The following FAT3 variants were observed in gnomAD, a reference collection of about 807,000 sequenced individuals.
FAT3 encodes the protein FAT atypical cadherin 3, also known as protocadherin Fat 3.
In FAT3, 95 loss-of-function variants were observed where a neutral mutation model predicts 310.2. The ratio of observed to expected loss-of-function variants is 0.31; its 90% CI spans 0.26 to 0.36. The LOEUF is 0.36. Ranked by LOEUF, FAT3 falls within the 10% of genes least tolerant of loss-of-function variation. FAT3 has a pLI of 1.00. For missense variants in FAT3, 5,408 were observed against 5,715.6 expected (o/e 0.95, Z 1.74); for synonymous variants, 2,314 against 2,192.9 (o/e 1.06, Z -1.54).
intron 4 of FAT3, among the ~76,000 whole-genome samples, chr11:92,710,129 A>G (rs905908932): frequency 6.6e-6 from 1 of 152,246 alleles, no homozygotes; most frequent in Non-Finnish European, 1.5e-5. Flanking sequence ...ATTTTAAAAA[A>G]TGCATAAGTA....
chr11:92,880,705 G>T (rs751720778), intron 22 of FAT3, 26 bp from the exon 23 acceptor site: 1 of 1,605,490 alleles, frequency 6.2e-7, no homozygotes, highest in Non-Finnish European at 8.5e-7. Context: ...GGCATCCATG[G>T]CTCATGAGGT....
chr11:92,580,486 A>G (rs192915322), intron 3 of FAT3, among the ~76,000 whole-genome samples: 4 of 152,154 alleles, frequency 2.6e-5, no homozygotes, highest in East Asian at 3.9e-4. Context: ...AGCCACACCC[A>G]TGTCAGCTTG....
intron 1 of FAT3, among the ~76,000 whole-genome samples, chr11:92,270,884 T>C (rs962589135): frequency 4.6e-5 from 7 of 151,982 alleles, no homozygotes; most frequent in Non-Finnish European, 8.8e-5. Context: ...ATCCATCCAA[T>C]TTCTTAGGAC....
At chr11:92,688,756 T>C (rs1473184880) in intron 3 of FAT3, among the ~76,000 whole-genome samples, 1 of 152,194 alleles carries the variant, frequency 6.6e-6, no homozygotes, top group Non-Finnish European at 1.5e-5. Context: ...GCACTCATGA[T>C]GCTAATGCAT....
Position 92,392,453 on chromosome 11 carries a change from C to T in FAT3, c.3292+37049C>T, listed in dbSNP as rs148113942. ...TCTAAAGCTGCTCCCTCTGCCTCAG[C>T]GCTGCTTTCTTCCTGGTCACCTGGC... is the stretch of plus-strand genomic sequence containing the variant. On this transcript the variant is annotated intron_variant, in intron 2 of 27. Transcript: ENST00000525166. Among the ~76,000 whole-genome samples, 97 of 152,208 alleles carry T rather than the reference C, an allele frequency of 6.4e-4. 2 individuals carry two copies. The East Asian group carries it at 0.013, about 20-fold the overall frequency.
chr11:92,825,806 G>A (rs1244082555), intron 13 of FAT3, among the ~76,000 whole-genome samples: 1 of 152,076 alleles, frequency 6.6e-6, no homozygotes, highest in Admixed American at 6.5e-5. Flanking sequence ...TATCAACTCT[G>A]CTGCAGTTTG....
chr11:92,867,865 T>C (rs1246773648), intron 22 of FAT3, among the ~76,000 whole-genome samples: 1 of 152,088 alleles, frequency 6.6e-6, no homozygotes, highest in Non-Finnish European at 1.5e-5. Flanking sequence ...TTTACTCTAA[T>C]ATTTTTTTCC....
chr11:92,717,052 T>A (rs990330073), intron 4 of FAT3, among the ~76,000 whole-genome samples: 1 of 152,198 alleles, frequency 6.6e-6, no homozygotes, highest in Non-Finnish European at 1.5e-5. Context: ...AAAATGAAGA[T>A]AATAACAACC....
intron 3 of FAT3, among the ~76,000 whole-genome samples, chr11:92,527,890 A>G (rs1479003669): frequency 6.6e-6 from 1 of 152,228 alleles, no homozygotes; most frequent in Non-Finnish European, 1.5e-5. Context: ...TATATTTAGG[A>G]AAGATTTATG....
At chr11:92,357,490 T>A (rs1948764712) in intron 2 of FAT3, among the ~76,000 whole-genome samples, 1 of 152,322 alleles carries the variant, frequency 6.6e-6, no homozygotes, top group Non-Finnish European at 1.5e-5. Context: ...AACCCTGGAC[T>A]TATTGACTAA....
intron 3 of FAT3, among the ~76,000 whole-genome samples, chr11:92,579,936 A>G (rs1279316495): frequency 6.6e-6 from 1 of 152,106 alleles, no homozygotes; most frequent in Admixed American, 6.6e-5. Context: ...AATGATTAAT[A>G]TGCTTTAAAC....
chr11:92,808,691 C>T (rs1456605772), intron 12 of FAT3, among the ~76,000 whole-genome samples: 2 of 152,008 alleles, frequency 1.3e-5, no homozygotes, highest in African/African-American at 4.8e-5. Context: ...TTTGGGAGGC[C>T]GAGGTGGGTG....
chr11:92,712,168 C>T (rs1210109763), intron 4 of FAT3, among the ~76,000 whole-genome samples: 2 of 152,124 alleles, frequency 1.3e-5, no homozygotes, highest in African/African-American at 2.4e-5. Flanking sequence ...TGAGAGGGCA[C>T]ATATGCCTTC....
Position 92,893,971 on chromosome 11 carries a change from TA to T in FAT3, c.*2860del, listed in dbSNP as rs1315703336. 1 of 152,174 alleles carries T rather than the reference TA, an allele frequency of 6.6e-6. No individual in the cohort carries two copies. The highest frequency in any genetic ancestry group is 2.4e-5 in the African/African-American group (1 of 41,440). 9.4% of individuals were successfully genotyped at this position (152,174 alleles called of 1,614,324 possible). On this transcript the variant is annotated 3_prime_UTR_variant, in exon 28 of 28. Coordinates refer to ENST00000525166, the MANE Select transcript of FAT3 (RefSeq NM_001367949.2). Reference sequence around the variant, plus strand: ...ACTTGCCCAAGCCCACAGAGGAAGTTAATTCGCTTAACAAGGAGTAGAACCC... The same window carrying T: ...ACTTGCCCAAGCCCACAGAGGAAGTTATTCGCTTAACAAGGAGTAGAACCC...
In FAT3 at chr11:92,761,949, C is replaced by T. The variant is rs2136084296; in HGVS notation, c.3763C>T (p.Pro1255Ser). The change falls in exon 5 of 28, where the codon CCA (proline) becomes TCA (serine). Residue 1255 changes from proline to serine, a missense_variant. Pro to Ser is a moderately conservative substitution (Grantham distance 74). Transcript: ENST00000525166. The stretch of plus-strand genomic sequence containing the variant: ...TGAAAATGACAACAAGCCCCAGTTC[C>T]CAGAGAAGGTCTACCAGATCAAGCT... ...LDENDNKPQF[P>S]EKVYQIKLPE... 1.2e-6 allele frequency: 2 copies of T among 1,613,888 alleles called. No individual in the cohort carries two copies. Among genetic ancestry groups the T allele is most frequent in the Middle Eastern group, 1.6e-4 (1 of 6,062 alleles).
intron 3 of FAT3, among the ~76,000 whole-genome samples, chr11:92,540,926 T>C (rs1427613110): frequency 6.6e-6 from 1 of 152,094 alleles, no homozygotes; most frequent in African/African-American, 2.4e-5. Context: ...ATTTTTCTAG[T>C]TTCTAATATT....
At chr11:92,242,293 G>T (rs534160550) in intron 1 of FAT3, among the ~76,000 whole-genome samples, 2 of 152,044 alleles carry the variant, frequency 1.3e-5, no homozygotes, top group Non-Finnish European at 2.9e-5. Context: ...GATGGTAAGG[G>T]ACTCAGACAT....
At chr11:92,573,537 A>G (rs1033366808) in intron 3 of FAT3, among the ~76,000 whole-genome samples, 2 of 152,186 alleles carry the variant, frequency 1.3e-5, no homozygotes, top group East Asian at 3.8e-4. Flanking sequence ...TTGCAGATGT[A>G]ATTAAGCTAA....
chr11:92,511,791 G>A (rs1239610756), intron 2 of FAT3, among the ~76,000 whole-genome samples: 1 of 152,210 alleles, frequency 6.6e-6, no homozygotes, highest in African/African-American at 2.4e-5. Context: ...TAAAGGAAGA[G>A]TTGGCCCTCC....
Sources: gnomAD v4.1 joint callset for allele counts (sites outside exome capture counted in the v4.1 genomes callset) on GRCh38, gnomAD v4.1.1 for gene constraint, MANE v1.5 for transcripts, NCBI Gene and HGNC (gene_info 2026-07-23, HGNC 2026-07-21) for gene names.